Variants in MYH16 observed in about 807,000 individuals in gnomAD.
MYH16 encodes myosin heavy chain 16, also known as putative uncharacterized protein MYH16.
In MYH16 at chr7:99,277,574, G is replaced by A. The variant is rs61739368; in HGVS notation, n.2521G>A. 1.4e-3 allele frequency: 662 copies of A among 456,852 alleles called. 1 individual carries two copies. The highest frequency in any genetic ancestry group is 2.3e-3 in the Admixed American group (98 of 42,578). 28.3% of individuals were successfully genotyped at this position (456,852 alleles called of 1,614,324 possible). Reference sequence around the variant, plus strand: ...TCCTGAATGTGGCTCGGCAAGAAGAGGAGATGAAGGCCAAGGAGGAGGAGC... The same window carrying A: ...TCCTGAATGTGGCTCGGCAAGAAGAAGAGATGAAGGCCAAGGAGGAGGAGC... On this transcript the variant is annotated non_coding_transcript_exon_variant, in exon 21 of 42. Coordinates refer to ENST00000439784, the Ensembl canonical transcript of MYH16.
At chr7:99,278,403 A>C (rs1792148690) in intron 21 of MYH16, among the ~76,000 whole-genome samples, 1 of 151,900 alleles carries the variant, frequency 6.6e-6, no homozygotes, top group African/African-American at 2.4e-5. Context: ...CAACTTACCC[A>C]CTCCAAGCCT....
intron 40 of MYH16, among the ~76,000 whole-genome samples, chr7:99,305,247 A>G (rs145680298): frequency 7.3e-5 from 11 of 151,402 alleles, no homozygotes; most frequent in Non-Finnish European, 1.5e-4. Flanking sequence ...AGAAAGAGAA[A>G]AGGAAATTGA....
chr7:99,308,817 C>T (rs1006647412), downstream of MYH16, among the ~76,000 whole-genome samples: 4 of 152,098 alleles, frequency 2.6e-5, no homozygotes, highest in African/African-American at 4.8e-5. Context: ...AAGGGCTGGG[C>T]GCAGTGTCTC....
chr7:99,255,359 G>C (rs1056747881), intron 8 of MYH16, among the ~76,000 whole-genome samples: 5 of 151,740 alleles, frequency 3.3e-5, no homozygotes, highest in Admixed American at 2.6e-4. Flanking sequence ...GAGGCAGGCA[G>C]ATCACTTAAG....
intron 2 of MYH16, among the ~76,000 whole-genome samples, chr7:99,245,530 TTTTG>T (rs916922865): frequency 6.6e-6 from 1 of 152,144 alleles, no homozygotes; most frequent in Non-Finnish European, 1.5e-5. Flanking sequence ...TTCTGGGGTT[TTTTG>T]TTTGTTTGTT....
exon 12 of MYH16, chr7:99,260,289 C>T (rs1584343977): frequency 7.7e-6 from 12 of 1,549,366 alleles, no homozygotes; most frequent in South Asian, 6.7e-5. Flanking sequence ...GGGTCTTCAT[C>T]GACTTTGGCC....
chr7:99,285,317 G>A, intron 26 of MYH16, 65 bp from the exon 9 acceptor site: 1 of 454,182 alleles, frequency 2.2e-6, no homozygotes, highest in South Asian at 1.6e-5. Context: ...GTCCTAAAAG[G>A]CTAAGGGGCT....
rs186263161 is a variant in MYH16, at chr7:99,297,956, G to A, written n.4701G>A. ...GCTCAGGTTAAAGCTGACATCGACC[G>A]AAGAATCCATGAGAAAGAAGAAGAA... On this transcript the variant is annotated non_coding_transcript_exon_variant, in exon 36 of 42. Coordinates refer to ENST00000439784, the Ensembl canonical transcript of MYH16. 1,351 of 456,726 alleles carry A rather than the reference G, an allele frequency of 3.0e-3. 5 individuals are homozygous for A. Among genetic ancestry groups the A allele is most frequent in the Admixed American group, 5.1e-3 (219 of 42,576 alleles). 28.3% of individuals were successfully genotyped at this position (456,726 alleles called of 1,614,324 possible).
At chr7:99,292,420 G>A (rs767136457) in exon 32 of MYH16, 22 of 458,350 alleles carry the variant, frequency 4.8e-5, no homozygotes, top group Admixed American at 2.8e-4. Context: ...GCAGCGCCTC[G>A]TGTCCAAACT....
exon 21 of MYH16, chr7:99,277,699 T>A: frequency 2.2e-6 from 1 of 456,220 alleles, no homozygotes; most frequent in South Asian, 1.6e-5. Context: ...GACCTCACCA[T>A]CCAGCTGCAG....
intron 19 of MYH16, among the ~76,000 whole-genome samples, chr7:99,272,381 A>G (rs752763774): frequency 4.0e-5 from 6 of 151,280 alleles, no homozygotes; most frequent in African/African-American, 9.7e-5. Flanking sequence ...AGCAATTCTC[A>G]CTCCACATCC....
At chr7:99,306,967 C>T (rs1323151550), downstream of MYH16, 36 of 152,580 alleles carry the variant, frequency 2.4e-4, no homozygotes, top group Admixed American at 2.4e-3. Context: ...TTTGTCACAC[C>T]CAGTCTCATG....
rs143692087 is a variant in MYH16 at position 99,289,607 on chromosome 7, G to A, written n.3824+203G>A. Among the ~76,000 whole-genome samples the A allele has an allele frequency of 5.4e-3, 824 of 152,250 alleles. 6 individuals are homozygous for A. Among genetic ancestry groups the A allele is most frequent in the African/African-American group, 0.019 (769 of 41,542 alleles). ...AGGGAACACAATTCAAAGCATTTTC[G>A]TATCCATTCTCTCACCTTCCCAGTG... On this transcript the variant is annotated intron_variant and non_coding_transcript_variant, in intron 30 of 41. Transcript: ENST00000439784.
chr7:99,276,346 G>T (rs969674420), intron 20 of MYH16, among the ~76,000 whole-genome samples: 1 of 152,302 alleles, frequency 6.6e-6, no homozygotes, highest in East Asian at 1.9e-4. Context: ...CCTGGGAAAT[G>T]TATCTATTGA....
At chr7:99,245,527 G>A (rs1354293304) in intron 2 of MYH16, among the ~76,000 whole-genome samples, 1 of 151,950 alleles carries the variant, frequency 6.6e-6, no homozygotes, top group East Asian at 1.9e-4. Flanking sequence ...TTTTTCTGGG[G>A]TTTTTTGTTT....
intron 18 of MYH16, among the ~76,000 whole-genome samples, chr7:99,269,897 G>A (rs1247661635): frequency 3.2e-5 from 4 of 125,926 alleles, no homozygotes; most frequent in Non-Finnish European, 4.8e-5. Context: ...TTTTTGAGAC[G>A]GAGTCTCACT....
At chr7:99,299,932 TTTATTTATTTA>T (rs1464264822) in intron 37 of MYH16, among the ~76,000 whole-genome samples, 25 of 60,216 alleles carry the variant, frequency 4.2e-4, no homozygotes, top group East Asian at 3.0e-3. Context: ...TTTTATTTTA[TTTATTTATTTA>T]TTTATTTATT....
exon 21 of MYH16, chr7:99,277,564 G>A (rs747367279): frequency 4.8e-5 from 22 of 453,760 alleles, no homozygotes; most frequent in Admixed American, 3.1e-4. Context: ...AATGTGGCTC[G>A]GCAAGAAGAG....
At chr7:99,269,865 CTTTTTTTTTT>C (rs983455403) in intron 18 of MYH16, among the ~76,000 whole-genome samples, 2 of 107,702 alleles carry the variant, frequency 1.9e-5, no homozygotes, top group African/African-American at 8.3e-5. Flanking sequence ...TCTGGGGACA[CTTTTTTTTTT>C]TTTTTTTTTT....
Sources: gnomAD v4.1 joint callset for allele counts (sites outside exome capture counted in the v4.1 genomes callset) on GRCh38, gnomAD v4.1.1 for gene constraint, MANE v1.5 for transcripts, NCBI Gene and HGNC (gene_info 2026-07-23, HGNC 2026-07-21) for gene names.